The following VWDE variants were observed in gnomAD, a reference collection of about 807,000 sequenced individuals.
VWDE encodes von Willebrand factor D and EGF domains.
VWDE carries 207 observed loss-of-function variants against 178.4 expected under a neutral mutation model. The observed-to-expected ratio is 1.16, with a 90% CI of 1.04 to 1.30. The LOEUF is 1.30. Ranked by LOEUF, VWDE falls within the 50% of genes most tolerant of loss-of-function variation. The pLI, the probability that VWDE is intolerant of heterozygous loss-of-function variation, is 0.00. For synonymous variants in VWDE, 738 were observed against 651.4 expected, an observed-to-expected ratio of 1.13 and a Z score of -2.02; for missense variants, 2,287 against 1,901.3, an observed-to-expected ratio of 1.20 and a Z score of -3.77.
rs1291592748 is a variant in VWDE at position 12,377,896 on chromosome 7, A to G, written c.904T>C (p.Ser302Pro). ...AGGTAGTATTCTTTCCCATCCTCTG[A>G]TATAGTGCTCAATTCAGGCTGTAGC... ...FKLQPELSTI[S>P]EDGKEYYLRI... Residue 302 changes from serine to proline, a missense_variant, in exon 7 of 29, where the codon TCA (serine) becomes CCA (proline). Coordinates refer to ENST00000275358, the MANE Select transcript of VWDE (RefSeq NM_001135924.3). 2.7e-6 allele frequency: 4 copies of G among 1,498,286 alleles called. No homozygotes were observed. In the South Asian group the frequency reaches 4.2e-5, roughly 16 times the overall value. The allele number at this position is 1,498,286 out of a possible 1,614,324, so 92.8% of individuals were successfully genotyped here.
intron 1 of VWDE, 92 bp downstream of exon 1, chr7:12,403,567 C>T: frequency 8.0e-7 from 1 of 1,255,868 alleles, no homozygotes; most frequent in Non-Finnish European, 1.1e-6. Context: ...CACAGGGACG[C>T]TCCCCAAGTC....
intron 2 of VWDE, 35 bp downstream of exon 2, chr7:12,393,559 G>T: frequency 7.0e-7 from 1 of 1,436,740 alleles, no homozygotes; most frequent in Non-Finnish European, 9.2e-7. Flanking sequence ...AACACATAAG[G>T]AAAATAACAT....
chr7:12,361,618 T>A (rs947838000), intron 13 of VWDE, 97 bp from the exon 14 acceptor site: 28 of 1,156,554 alleles, frequency 2.4e-5, no homozygotes, highest in Non-Finnish European at 4.7e-6. Flanking sequence ...TTAAAATATA[T>A]GCCTAGTATA....
intron 24 of VWDE, among the ~76,000 whole-genome samples, chr7:12,337,628 G>T (rs939284264): frequency 1.3e-5 from 2 of 152,120 alleles, no homozygotes; most frequent in Non-Finnish European, 2.9e-5. Context: ...ATAAGAATGT[G>T]CCTGTTCTTG....
At chr7:12,352,253 C>T (rs540159701) in intron 18 of VWDE, among the ~76,000 whole-genome samples, 1 of 152,306 alleles carries the variant, frequency 6.6e-6, no homozygotes, top group East Asian at 1.9e-4. Flanking sequence ...ATCAATTTTG[C>T]CCATTTGGGT....
At chr7:12,388,054 A>G (rs1052446436) in intron 3 of VWDE, among the ~76,000 whole-genome samples, 1 of 152,096 alleles carries the variant, frequency 6.6e-6, no homozygotes, top group Non-Finnish European at 1.5e-5. Flanking sequence ...GAATTTTTCA[A>G]TTTTCCCAAT....
intron 27 of VWDE, among the ~76,000 whole-genome samples, chr7:12,335,292 C>CA (rs1281079091): frequency 6.6e-6 from 1 of 151,946 alleles, no homozygotes; most frequent in Non-Finnish European, 1.5e-5. Flanking sequence ...CAAGTTTCCA[C>CA]AAAAAATTTC....
intron 13 of VWDE, among the ~76,000 whole-genome samples, chr7:12,362,455 C>A (rs560990501): frequency 6.6e-6 from 1 of 152,178 alleles, no homozygotes; most frequent in East Asian, 1.9e-4. Context: ...ACACATTATG[C>A]TTAAGCTACA....
chr7:12,348,447 T>C lies in VWDE; in HGVS notation c.3886+3126A>G, dbSNP rs1781737668. On this transcript the variant is annotated intron_variant, in intron 19 of 28. Coordinates refer to ENST00000275358, the MANE Select transcript of VWDE (RefSeq NM_001135924.3). Reference sequence around the variant, plus strand: ...AACAGACACTTCTCAAAAGAAGACATTTATGCAGCCAAAAAATACATGAAA... The same window carrying C: ...AACAGACACTTCTCAAAAGAAGACACTTATGCAGCCAAAAAATACATGAAA... Among the ~76,000 whole-genome samples, 4 of 91,036 alleles carry C rather than the reference T, an allele frequency of 4.4e-5. No individual in the cohort carries two copies. In the South Asian group the frequency reaches 1.2e-3, roughly 27 times the overall value. The allele number at this position is 91,036 out of a possible 152,430, so 59.7% of individuals were successfully genotyped here.
intron 9 of VWDE, 74 bp from the exon 10 acceptor site, chr7:12,373,321 A>G (rs1562498723): frequency 7.0e-7 from 1 of 1,428,030 alleles, no homozygotes; most frequent in East Asian, 2.5e-5. Context: ...GATTTGCAAC[A>G]GCTTTATGTA....
At position 12,351,691 on chromosome 7, in the gene VWDE, T is replaced by C; in HGVS notation, c.3768A>G (p.Gln1256=). 1 of 1,547,298 alleles carries C rather than the reference T, an allele frequency of 6.5e-7. No homozygotes were observed. Among genetic ancestry groups the C allele is most frequent in the Non-Finnish European group, 8.7e-7 (1 of 1,145,538 alleles). ...TGAGAACCACAGTTTGTGTAGTAAATTGATTTACAAACTGTGTTTCAACTG... is the reference window on the plus strand; with the variant it reads ...TGAGAACCACAGTTTGTGTAGTAAACTGATTTACAAACTGTGTTTCAACTG... ...ELKVETQFVN[Q]FTTQTVVLTR... is the part of the protein sequence containing the mutation. Residue 1256 remains glutamine, a synonymous_variant, in exon 19 of 29, where the codon CAA becomes CAG. Coordinates refer to ENST00000275358, the MANE Select transcript of VWDE (RefSeq NM_001135924.3).
rs1432369405 is a variant in VWDE at position 12,344,455 on chromosome 7, G to C, written c.3901C>G (p.Pro1301Ala). Residue 1301 changes from proline (P) to alanine (A), a missense_variant, in exon 20 of 29, where the codon CCA becomes GCA. By Grantham distance (27) the Pro-to-Ala change is conservative (BLOSUM62 -1). Coordinates refer to ENST00000275358, the MANE Select transcript of VWDE (RefSeq NM_001135924.3). ...ACACACTCCCTACTTTTTCCACATG[G>C]ATATTTACAAATGGCTAAAAAAAAA... is the stretch of plus-strand genomic sequence containing the variant. ...SGNAFTICKY[P>A]CGKSRECVAP... is the part of the protein sequence containing the mutation. The C allele has an allele frequency of 6.5e-7, 1 of 1,548,618 alleles. No individual in the cohort carries two copies. Among genetic ancestry groups the C allele is most frequent in the African/African-American group, 1.4e-5 (1 of 72,738 alleles).
rs1361691221 is a variant in VWDE, at chr7:12,363,471, C to A, written c.2899-1950G>T. 3.3e-5 allele frequency among the ~76,000 whole-genome samples: 5 copies of A among 151,940 alleles called. No individual in the cohort carries two copies. The East Asian group carries it at 9.7e-4, about 29-fold the overall frequency. ...ATTGGATTTTGTAGAGTCTTGACTG[C>A]TTTGGGGGAGGAAGTGAAAGAAATG... On this transcript the variant is annotated intron_variant, in intron 13 of 28. Coordinates refer to ENST00000275358, the MANE Select transcript of VWDE (RefSeq NM_001135924.3).
rs1193079432 is a variant in VWDE, at chr7:12,393,737, G to A, written c.100C>T (p.Pro34Ser). ...GAGTCAAAACGGACACTTCTATAAG[G>A]ACTCCGAAGAAACTGGTGTCCCCCA... ...SPGGHQFLRS[P>S]YRSVRFDSWH... Residue 34 changes from proline (P) to serine (S), a missense_variant, in exon 2 of 29, where the codon CCT becomes TCT. Transcript: ENST00000275358. The A allele has an allele frequency of 1.3e-6, 2 of 1,550,798 alleles. No homozygotes were observed. Among genetic ancestry groups the A allele is most frequent in the Non-Finnish European group, 1.7e-6 (2 of 1,146,498 alleles).
chr7:12,384,429 G>A (rs1303400499), intron 3 of VWDE, among the ~76,000 whole-genome samples: 2 of 152,138 alleles, frequency 1.3e-5, no homozygotes, highest in South Asian at 2.1e-4. Flanking sequence ...GTGGATACAC[G>A]TTATGAGAAA....
chr7:12,394,785 C>T (rs1221719022), intron 1 of VWDE, among the ~76,000 whole-genome samples: 1 of 151,976 alleles, frequency 6.6e-6, no homozygotes, highest in Non-Finnish European at 1.5e-5. Context: ...GTGAAAGAAA[C>T]AATTCAGTCA....
chr7:12,387,064 A>G (rs1341166419), intron 3 of VWDE, among the ~76,000 whole-genome samples: 2 of 152,190 alleles, frequency 1.3e-5, no homozygotes, highest in Non-Finnish European at 2.9e-5. Context: ...TTTTTTAAAG[A>G]TAGAACTACT....
chr7:12,393,498 T>C (rs1337766016), intron 2 of VWDE, 96 bp downstream of exon 2: 1 of 1,085,640 alleles, frequency 9.2e-7, no homozygotes, highest in Non-Finnish European at 1.3e-6. Flanking sequence ...AAAACAACAT[T>C]TTAGCATGAG....
In VWDE at chr7:12,389,052, C is replaced by A. The variant is rs551600942; in HGVS notation, c.475+75G>T. 996 of 1,039,746 alleles carry A rather than the reference C, an allele frequency of 9.6e-4. 1 individual carries two copies. The highest frequency in any genetic ancestry group is 1.2e-3 in the Non-Finnish European group (821 of 682,796). The allele number at this position is 1,039,746 out of a possible 1,614,324, so 64.4% of individuals were successfully genotyped here. ...TACTGAGATTTGCACTAACTCAATA[C>A]AACCTATCCAGAGAATGGTACGAAT... On this transcript the variant is annotated intron_variant, in intron 3 of 28. Coordinates refer to ENST00000275358, the MANE Select transcript of VWDE (RefSeq NM_001135924.3).
Sources: allele counts gnomAD v4.1 joint callset (sites outside exome capture counted in the v4.1 genomes callset), GRCh38; gene constraint gnomAD v4.1.1; transcripts MANE v1.5; gene names NCBI Gene and HGNC (gene_info 2026-07-23, HGNC 2026-07-21).